The following UGT1A3 variants were observed in gnomAD, a reference collection of about 807,000 sequenced individuals.
The protein encoded by UGT1A3 is UDP-glucuronosyltransferase 1A3.
In UGT1A3, 31 loss-of-function variants were observed where a neutral mutation model predicts 41.0. That is an observed-to-expected ratio of 0.76 (90% CI 0.57 to 1.02). UGT1A3 has a LOEUF of 1.02. Among genes scored for constraint, UGT1A3 ranks in the 50% least tolerant of loss-of-function variants. The pLI, the probability that UGT1A3 is intolerant of heterozygous loss-of-function variation, is 0.00. For missense variants in UGT1A3, 737 were observed against 671.0 expected (o/e 1.10, Z -1.09); for synonymous variants, 262 against 257.6 (o/e 1.02, Z -0.17).
At chr2:233,748,166 C>T in intron 1 of UGT1A3, 1 of 1,593,318 alleles carries the variant, frequency 6.3e-7, no homozygotes, top group South Asian at 1.1e-5. Context: ...TCCATATCTA[C>T]TTATCTTTCT....
Position 233,729,375 on chromosome 2 carries a change from G to A in UGT1A3, c.249G>A (p.Ser83=), listed in dbSNP as rs148006660. The stretch of plus-strand genomic sequence containing the variant: ...TCACCCTGACAACCTATGCCATTTC[G>A]TGGACCCAGGATGAATTTGATCGCC... ...NFFTLTTYAI[S]WTQDEFDRHV... Residue 83 remains serine, a synonymous_variant, in exon 1 of 5, where the codon TCG becomes TCA. Coordinates refer to ENST00000482026, the MANE Select transcript of UGT1A3 (RefSeq NM_019093.4). 1.0e-4 allele frequency: 162 copies of A among 1,614,004 alleles called. No homozygotes were observed. Among genetic ancestry groups the A allele is most frequent in the African/African-American group, 2.0e-4 (15 of 75,068 alleles).
At chr2:233,738,832 A>G (rs6431628) in intron 1 of UGT1A3, 84,103 of 152,154 alleles carry the variant, frequency 0.55, 25,404 homozygotes, top group African/African-American at 0.81. Context: ...ATAAGGAGGA[A>G]CCAAATGTTA....
In UGT1A3 at chr2:233,768,328, T is replaced by C. The variant is rs755527328; in HGVS notation, c.1196T>C (p.Met399Thr). The C allele has an allele frequency of 1.9e-6, 3 of 1,614,176 alleles. No homozygotes were observed. The highest frequency in any genetic ancestry group is 2.5e-6 in the Non-Finnish European group (3 of 1,180,040). ...ATGATGCCCTTGTTTGGTGATCAGATGGACAATGCAAAGCGCATGGAGACT... is the reference window on the plus strand; with the variant it reads ...ATGATGCCCTTGTTTGGTGATCAGACGGACAATGCAAAGCGCATGGAGACT... ...MVMMPLFGDQMDNAKRMETKG... is the reference protein window; with the variant it reads ...MVMMPLFGDQTDNAKRMETKG... The change falls in exon 4 of 5, where the codon ATG becomes ACG. Residue 399 changes from methionine (M) to threonine (T), a missense_variant. By Grantham distance (81) the Met-to-Thr change is moderately conservative. Transcript: ENST00000482026.
intron 1 of UGT1A3, chr2:233,743,590 T>C: frequency 1.5e-6 from 2 of 1,367,294 alleles, no homozygotes; most frequent in South Asian, 1.1e-5. Context: ...CAAAGGAGAA[T>C]GGGTCCTGGC....
chr2:233,767,748 T>A (rs2126034446), intron 2 of UGT1A3, 101 bp from the exon 3 acceptor site: 2 of 1,587,100 alleles, frequency 1.3e-6, no homozygotes, highest in East Asian at 4.5e-5. Context: ...TGTTAAAGAC[T>A]GTTCCTTCAG....
intron 1 of UGT1A3, among the ~76,000 whole-genome samples, chr2:233,766,269 TCGGTGGCCC>T (rs2126023765): frequency 2.9e-5 from 2 of 67,956 alleles, no homozygotes; most frequent in East Asian, 5.0e-4. Flanking sequence ...TGGCCCGGGC[TCGGTGGCCC>T]GGGCTCGGTG....
chr2:233,762,543 G>A (rs1248994186), intron 1 of UGT1A3, among the ~76,000 whole-genome samples: 10 of 152,184 alleles, frequency 6.6e-5, no homozygotes, highest in Admixed American at 6.5e-4. Flanking sequence ...GTACCACAGT[G>A]TATTCTGCTG....
At chr2:233,731,284 C>CTTTTTTTTTTT (rs78127606) in intron 1 of UGT1A3, among the ~76,000 whole-genome samples, 1 of 139,762 alleles carries the variant, frequency 7.2e-6, no homozygotes. Flanking sequence ...GTTTTTCTTT[C>CTTTTTTTTTTT]TTTTTTTTTT....
intron 1 of UGT1A3, chr2:233,761,263 A>G (rs953290784): frequency 6.9e-6 from 11 of 1,601,374 alleles, no homozygotes; most frequent in Non-Finnish European, 9.4e-6. Flanking sequence ...ATAATTTAAA[A>G]TGCCCTCTTT....
chr2:233,741,332 A>G (rs1691632779), intron 1 of UGT1A3, among the ~76,000 whole-genome samples: 1 of 151,816 alleles, frequency 6.6e-6, no homozygotes, highest in South Asian at 2.1e-4. Context: ...CTCTACCCAG[A>G]GTAGTGATTT....
At chr2:233,764,054 A>G (rs995386532) in intron 1 of UGT1A3, among the ~76,000 whole-genome samples, 2 of 152,188 alleles carry the variant, frequency 1.3e-5, no homozygotes, top group African/African-American at 2.4e-5. Flanking sequence ...GGAAAATGAA[A>G]TGCATTTGGG....
chr2:233,759,584 C>G (rs1003659930), intron 1 of UGT1A3, among the ~76,000 whole-genome samples: 4 of 149,800 alleles, frequency 2.7e-5, no homozygotes, highest in African/African-American at 9.9e-5. Flanking sequence ...TACCCCAGCA[C>G]GCCCCCCACC....
At chr2:233,755,424 C>G (rs976220166) in intron 1 of UGT1A3, 2 of 319,210 alleles carry the variant, frequency 6.3e-6, no homozygotes, top group Non-Finnish European at 1.2e-5. Flanking sequence ...GTGAGCGCCT[C>G]GCATCCCAAG....
chr2:233,756,378 T>C (rs367582243), intron 1 of UGT1A3: 2 of 152,250 alleles, frequency 1.3e-5, no homozygotes, highest in South Asian at 2.1e-4. Flanking sequence ...GCTATGTAAA[T>C]AGTTGTTTTA....
Position 233,769,514 on chromosome 2 carries a change from A to G in UGT1A3, c.1307+1075A>G. 2 of 1,612,844 alleles carry G rather than the reference A, an allele frequency of 1.2e-6. No homozygotes were observed. The highest frequency in any genetic ancestry group is 1.7e-6 in the Non-Finnish European group (2 of 1,179,856). ...ATGAGAGTGTCCATTGCTTTCTCCCATGGTTACCTCCTTTAGAAAGAAGCA... is the reference window on the plus strand; with the variant it reads ...ATGAGAGTGTCCATTGCTTTCTCCCGTGGTTACCTCCTTTAGAAAGAAGCA... On this transcript the variant is annotated intron_variant, in intron 4 of 4. Transcript: ENST00000482026. This position sits in a 1 kb window ranked among gnomAD's most constrained non-coding sequence, Gnocchi z 4.4.
At position 233,769,420 on chromosome 2, in the gene UGT1A3, T is replaced by C; in HGVS notation, c.1307+981T>C. 1 of 1,459,970 alleles carries C rather than the reference T, an allele frequency of 6.8e-7. No homozygotes were observed. The highest frequency in any genetic ancestry group is 1.8e-4 in the Middle Eastern group (1 of 5,568). 90.4% of individuals were successfully genotyped at this position (1,459,970 alleles called of 1,614,324 possible). ...GCATATGTGCGTGTGCGTTTGTGCA[T>C]GTGGCTGTGCTCATGTGTGGGTGCA... is the stretch of plus-strand genomic sequence containing the variant. On this transcript the variant is annotated intron_variant, in intron 4 of 4. Coordinates refer to ENST00000482026, the MANE Select transcript of UGT1A3 (RefSeq NM_019093.4). This position sits in a 1 kb window ranked among gnomAD's most constrained non-coding sequence, Gnocchi z 4.4.
chr2:233,743,881 C>T (rs755016650), intron 1 of UGT1A3: 6 of 1,366,984 alleles, frequency 4.4e-6, no homozygotes, highest in Middle Eastern at 4.2e-4. Flanking sequence ...ATGAGGCCTG[C>T]CGGGGCACGT....
At chr2:233,757,558 A>ATATATATATATG (rs1553619909) in intron 1 of UGT1A3, among the ~76,000 whole-genome samples, 2 of 124,446 alleles carry the variant, frequency 1.6e-5, no homozygotes, top group East Asian at 4.2e-4. Context: ...ATATATATAT[A>ATATATATATATG]TATGTATATA....
chr2:233,733,189 C>T (rs2078364598), intron 1 of UGT1A3, among the ~76,000 whole-genome samples: 1 of 152,198 alleles, frequency 6.6e-6, no homozygotes, highest in African/African-American at 2.4e-5. Context: ...AGTTGCTTAT[C>T]AGCTTAAGGA....
Sources: allele counts gnomAD v4.1 joint callset (sites outside exome capture counted in the v4.1 genomes callset), GRCh38; gene constraint gnomAD v4.1.1; non-coding constraint Gnocchi (gnomAD v3.1); transcripts MANE v1.5; gene names NCBI Gene and HGNC (gene_info 2026-07-23, HGNC 2026-07-21).